The following ESCO1 variants were observed in gnomAD, a reference collection of about 807,000 sequenced individuals.
ESCO1 encodes N-acetyltransferase ESCO1.
In ESCO1, 33 loss-of-function variants were observed where a neutral mutation model predicts 83.5. That is an observed-to-expected ratio of 0.40 (90% confidence interval 0.30 to 0.53). The LOEUF is 0.53. ESCO1 is among the 20% of genes least tolerant of loss of function. The pLI is 0.63. For synonymous variants in ESCO1, 332 were observed against 324.3 expected, an observed-to-expected ratio of 1.02 and a Z score of -0.25; for missense variants, 855 against 968.0, an observed-to-expected ratio of 0.88 and a Z score of 1.55.
At chr18:21,578,040 C>T (rs915735413) in intron 2 of ESCO1, among the ~76,000 whole-genome samples, 1 of 152,042 alleles carries the variant, frequency 6.6e-6, no homozygotes, top group Non-Finnish European at 1.5e-5. Context: ...TACCTATAAT[C>T]GCTAAGACAC....
At chr18:21,552,526 G>A (rs1486414248) in intron 8 of ESCO1, among the ~76,000 whole-genome samples, 1 of 152,104 alleles carries the variant, frequency 6.6e-6, no homozygotes, top group Non-Finnish European at 1.5e-5. Context: ...GTTTCCTAAG[G>A]CCTTCCTAGC....
At chr18:21,586,593 T>G (rs144995938) in intron 1 of ESCO1, among the ~76,000 whole-genome samples, 1 of 152,364 alleles carries the variant, frequency 6.6e-6, no homozygotes, top group African/African-American at 2.4e-5. Context: ...ACATTGATCT[T>G]GTGTCCTGTA....
At chr18:21,534,807 T>A (rs1014881799) in intron 10 of ESCO1, among the ~76,000 whole-genome samples, 1 of 152,066 alleles carries the variant, frequency 6.6e-6, no homozygotes, top group African/African-American at 2.4e-5. Flanking sequence ...GTATTTTTAG[T>A]AGAGACCACG....
intron 2 of ESCO1, among the ~76,000 whole-genome samples, chr18:21,576,485 AGAGT>A (rs2038420115): frequency 6.6e-6 from 1 of 152,232 alleles, no homozygotes. Context: ...CCTGGACAAA[AGAGT>A]GAGACCCATA....
intron 10 of ESCO1, among the ~76,000 whole-genome samples, chr18:21,533,643 A>G (rs550956403): frequency 6.6e-6 from 1 of 152,270 alleles, no homozygotes; most frequent in East Asian, 1.9e-4. Context: ...CCTAACAAAC[A>G]TTACATAGTT....
At chr18:21,530,527 G>C (rs1428198751) in intron 11 of ESCO1, 37 bp from the exon 12 acceptor site, 3 of 1,374,312 alleles carry the variant, frequency 2.2e-6, no homozygotes, top group Admixed American at 5.1e-5. Flanking sequence ...AGGGTTAAGT[G>C]TGAAATGTTA....
At chr18:21,541,473 G>T (rs191011861) in intron 8 of ESCO1, among the ~76,000 whole-genome samples, 5 of 151,574 alleles carry the variant, frequency 3.3e-5, no homozygotes, top group African/African-American at 1.2e-4. Flanking sequence ...CGCGCCTGTA[G>T]TTCTGGCTAC....
At chr18:21,585,688 C>G (rs1461682997) in intron 1 of ESCO1, among the ~76,000 whole-genome samples, 1 of 152,008 alleles carries the variant, frequency 6.6e-6, no homozygotes, top group Admixed American at 6.6e-5. Context: ...AAACTCCTGG[C>G]CCCAAGTGAT....
intron 4 of ESCO1, among the ~76,000 whole-genome samples, chr18:21,570,409 G>A (rs1470773436): frequency 1.3e-5 from 2 of 152,128 alleles, no homozygotes; most frequent in African/African-American, 2.4e-5. Flanking sequence ...CAAGGTGAAA[G>A]TCTTTTCATA....
Position 21,579,794 on chromosome 18 carries a change from G to GCGCACACACA in ESCO1, c.-693-4018_-693-4017insTGTGTGTGCG, listed in dbSNP as rs1192534759. On this transcript the variant is annotated intron_variant, in intron 2 of 11. Coordinates refer to ENST00000269214, the MANE Select transcript of ESCO1 (RefSeq NM_052911.3). ...CTGACACACACACACACGCGCGCGC[G>GCGCACACACA]CACACACACACACACACACACACAC... Among the ~76,000 whole-genome samples the GCGCACACACA allele has an allele frequency of 8.3e-4, 31 of 37,168 alleles. No homozygotes were observed. In the East Asian group the frequency reaches 0.018, roughly 22 times the overall value. 24.4% of individuals were successfully genotyped at this position (37,168 alleles called of 152,430 possible). A position where few individuals can be genotyped will look rare whatever the true frequency, so the allele number is the denominator to read the frequency against.
At chr18:21,581,276 GCAC>G (rs1259277125) in intron 2 of ESCO1, among the ~76,000 whole-genome samples, 1 of 151,324 alleles carries the variant, frequency 6.6e-6, no homozygotes, top group African/African-American at 2.4e-5. Flanking sequence ...AGCCGAGACT[GCAC>G]CACTGCACTC....
In ESCO1 at chr18:21,530,038, A is replaced by G. The variant is rs2037746651; in HGVS notation, c.*305T>C. On this transcript the variant is annotated 3_prime_UTR_variant, in exon 12 of 12. Transcript: ENST00000269214. ...AAAATATACTTATCACTGAGACCAT[A>G]GTCCTTGCATTAGTTTTCAGTCCAC... 9.2e-6 allele frequency: 2 copies of G among 217,450 alleles called. No individual in the cohort carries two copies. Among genetic ancestry groups the G allele is most frequent in the African/African-American group, 4.6e-5 (2 of 43,938 alleles). 13.5% of individuals were successfully genotyped at this position (217,450 alleles called of 1,614,324 possible).
chr18:21,575,323 C>T lies in ESCO1; in HGVS notation c.-480G>A. 5.0e-6 allele frequency: 2 copies of T among 397,012 alleles called. No individual in the cohort carries two copies. The highest frequency in any genetic ancestry group is 8.9e-6 in the Non-Finnish European group (2 of 225,092). 24.6% of individuals were successfully genotyped at this position (397,012 alleles called of 1,614,324 possible). A position where few individuals can be genotyped will look rare whatever the true frequency, so the allele number is the denominator to read the frequency against. On this transcript the variant is annotated 5_prime_UTR_variant, in exon 4 of 12. Transcript: ENST00000269214. ...CACTTGAAACATGTCTTATGGCTAA[C>T]ACGTTTCTTTCCTTGTTTGCTGAGT...
At chr18:21,577,361 TAAAAAAAAAAA>T (rs1555671990) in intron 2 of ESCO1, among the ~76,000 whole-genome samples, 3 of 52,954 alleles carry the variant, frequency 5.7e-5, no homozygotes, top group South Asian at 6.3e-4. Context: ...CCATCTTTTT[TAAAAAAAAAAA>T]AAAAAAAAAA....
At chr18:21,548,365 C>T (rs1307771101) in intron 8 of ESCO1, among the ~76,000 whole-genome samples, 1 of 151,234 alleles carries the variant, frequency 6.6e-6, no homozygotes, top group Non-Finnish European at 1.5e-5. Context: ...TGTGATGGCA[C>T]ATGCCTGTAG....
At chr18:21,579,794 G>GCGCGCACA (rs1192534759) in intron 2 of ESCO1, among the ~76,000 whole-genome samples, 25 of 37,124 alleles carry the variant, frequency 6.7e-4, no homozygotes, top group African/African-American at 1.3e-3. Context: ...ACGCGCGCGC[G>GCGCGCACA]CACACACACA....
In ESCO1 at chr18:21,590,131, G is replaced by T. The variant is rs533472487; in HGVS notation, c.-824-5691C>A. 8.7e-5 allele frequency among the ~76,000 whole-genome samples: 13 copies of T among 148,748 alleles called. No individual in the cohort carries two copies. The East Asian group carries it at 1.9e-3, about 21-fold the overall frequency. On this transcript the variant is annotated intron_variant, in intron 1 of 11. Coordinates refer to ENST00000269214, the MANE Select transcript of ESCO1 (RefSeq NM_052911.3). ...CATGAGCCACTGCGTCCGGCCGCAAGTCCATCATGTCAGTTATTTTCCCTT... is the reference window on the plus strand; with the variant it reads ...CATGAGCCACTGCGTCCGGCCGCAATTCCATCATGTCAGTTATTTTCCCTT...
intron 2 of ESCO1, among the ~76,000 whole-genome samples, chr18:21,583,181 C>G (rs1243702032): frequency 6.6e-6 from 1 of 151,668 alleles, no homozygotes; most frequent in Non-Finnish European, 1.5e-5. Context: ...GACTCTGTCT[C>G]AAAAACAAAA....
At chr18:21,570,496 T>A (rs1467286302) in intron 4 of ESCO1, among the ~76,000 whole-genome samples, 1 of 152,242 alleles carries the variant, frequency 6.6e-6, no homozygotes, top group Non-Finnish European at 1.5e-5. Flanking sequence ...AATATAATGT[T>A]GATTACACAA....
Sources: allele counts gnomAD v4.1 joint callset (sites outside exome capture counted in the v4.1 genomes callset), GRCh38; gene constraint gnomAD v4.1.1; transcripts MANE v1.5; gene names NCBI Gene and HGNC (gene_info 2026-07-23, HGNC 2026-07-21).